The following IMMP2L variants were observed in gnomAD, a reference collection of about 807,000 sequenced individuals.
The protein encoded by IMMP2L is inner mitochondrial membrane peptidase subunit 2.
Under a neutral mutation model 19.3 loss-of-function variants are expected in IMMP2L, and 18 were observed. The observed-to-expected ratio is 0.93, with a 90% CI of 0.64 to 1.38. The LOEUF (loss-of-function observed/expected upper bound fraction) is 1.38, where lower values mean the gene tolerates loss of function less well. Among genes scored for constraint, IMMP2L ranks in the 40% most tolerant of loss-of-function variants. The pLI, the probability that IMMP2L is intolerant of heterozygous loss-of-function variation, is 0.00. For missense variants in IMMP2L, 233 were observed against 218.2 expected (o/e 1.07, Z -0.43); for synonymous variants, 76 against 73.0 (o/e 1.04, Z -0.21).
At chr7:111,429,658 T>C (rs1836435287) in intron 3 of IMMP2L, among the ~76,000 whole-genome samples, 2 of 151,938 alleles carry the variant, frequency 1.3e-5, no homozygotes, top group Non-Finnish European at 2.9e-5. Context: ...TCACATCTAA[T>C]TGAGCTCCAA....
intron 3 of IMMP2L, among the ~76,000 whole-genome samples, chr7:110,965,833 G>T (rs971418066): frequency 1.4e-4 from 22 of 151,936 alleles, no homozygotes; most frequent in Non-Finnish European, 2.9e-4. Flanking sequence ...AGGGATTAGG[G>T]ACATTGGTAC....
intron 3 of IMMP2L, among the ~76,000 whole-genome samples, chr7:111,319,568 C>A (rs1824462431): frequency 6.6e-6 from 1 of 151,968 alleles, no homozygotes; most frequent in South Asian, 2.1e-4. Flanking sequence ...AAAATTTTTA[C>A]AAATCAAAAT....
chr7:111,017,811 C>A (rs895154068), intron 3 of IMMP2L, among the ~76,000 whole-genome samples: 2 of 152,082 alleles, frequency 1.3e-5, no homozygotes, highest in Non-Finnish European at 2.9e-5. Flanking sequence ...GTGGTAGGAG[C>A]CATCAGAAGA....
intron 3 of IMMP2L, among the ~76,000 whole-genome samples, chr7:111,412,826 A>C (rs1052376959): frequency 2.6e-5 from 4 of 151,764 alleles, no homozygotes; most frequent in Admixed American, 2.6e-4. Context: ...GTTTAGAAGA[A>C]ATTTTTTTTT....
intron 3 of IMMP2L, among the ~76,000 whole-genome samples, chr7:111,330,191 T>G (rs1169913513): frequency 2.0e-5 from 3 of 150,550 alleles, no homozygotes; most frequent in African/African-American, 4.9e-5. Flanking sequence ...CAAAATCACA[T>G]CAGAAATGGA....
intron 2 of IMMP2L, among the ~76,000 whole-genome samples, chr7:111,504,112 C>A (rs1003142454): frequency 2.5e-4 from 38 of 152,272 alleles, no homozygotes; most frequent in African/African-American, 7.9e-4. Context: ...TGATAAGCAA[C>A]TTCAGCAAAG....
intron 5 of IMMP2L, among the ~76,000 whole-genome samples, chr7:110,886,140 G>A (rs1810196987): frequency 6.6e-6 from 1 of 152,012 alleles, no homozygotes; most frequent in African/African-American, 2.4e-5. Context: ...CCCTAAGAGG[G>A]TAGAGGTAAA....
intron 3 of IMMP2L, among the ~76,000 whole-genome samples, chr7:111,314,517 G>A (rs914337322): frequency 1.3e-5 from 2 of 152,050 alleles, no homozygotes; most frequent in African/African-American, 4.8e-5. Context: ...GAGGAATGGA[G>A]GATTGACTAG....
At chr7:111,147,059 A>T (rs1172557842) in intron 3 of IMMP2L, among the ~76,000 whole-genome samples, 1 of 152,064 alleles carries the variant, frequency 6.6e-6, no homozygotes, top group African/African-American at 2.4e-5. Flanking sequence ...TTTAAAAGCT[A>T]TTTCTTATTA....
intron 4 of IMMP2L, among the ~76,000 whole-genome samples, chr7:110,941,468 AGTAAC>A (rs1415788876): frequency 6.6e-6 from 1 of 152,160 alleles, no homozygotes; most frequent in East Asian, 1.9e-4. Flanking sequence ...TCAGTTATTA[AGTAAC>A]GGTTTGAAAT....
intron 3 of IMMP2L, among the ~76,000 whole-genome samples, chr7:111,267,895 C>A (rs1817998996): frequency 6.6e-6 from 1 of 152,072 alleles, no homozygotes; most frequent in African/African-American, 2.4e-5. Context: ...TCGGTTCATT[C>A]TCTGTATCAT....
chr7:111,434,358 T>C (rs1200366316), intron 3 of IMMP2L, among the ~76,000 whole-genome samples: 1 of 148,700 alleles, frequency 6.7e-6, no homozygotes, highest in Non-Finnish European at 1.5e-5. Context: ...AAAACAAAAA[T>C]AGACAAATGA....
At chr7:110,883,774 T>C (rs1243930502) in intron 5 of IMMP2L, among the ~76,000 whole-genome samples, 2 of 152,078 alleles carry the variant, frequency 1.3e-5, no homozygotes, top group African/African-American at 4.8e-5. Flanking sequence ...TTACTTTAGA[T>C]TTATTTTTAG....
At chr7:111,006,402 C>T (rs774304648) in intron 3 of IMMP2L, among the ~76,000 whole-genome samples, 10 of 152,200 alleles carry the variant, frequency 6.6e-5, no homozygotes, top group Admixed American at 3.3e-4. Flanking sequence ...TTTTCATAGA[C>T]GCATAGACTT....
At chr7:110,866,371 T>C (rs1222331545) in intron 5 of IMMP2L, among the ~76,000 whole-genome samples, 1 of 151,744 alleles carries the variant, frequency 6.6e-6, no homozygotes, top group East Asian at 2.0e-4. Context: ...TTTGAGAACA[T>C]TCAGATAAGA....
At chr7:111,160,507 A>G (rs1805137512) in intron 3 of IMMP2L, among the ~76,000 whole-genome samples, 1 of 151,770 alleles carries the variant, frequency 6.6e-6, no homozygotes, top group Non-Finnish European at 1.5e-5. Context: ...TGAGTAAATT[A>G]ATTAACATCT....
intron 1 of IMMP2L, among the ~76,000 whole-genome samples, chr7:111,525,901 G>T (rs1453107051): frequency 2.6e-5 from 4 of 151,960 alleles, no homozygotes; most frequent in Non-Finnish European, 5.9e-5. Context: ...GCATTAAAAG[G>T]GACGATGGCC....
intron 3 of IMMP2L, among the ~76,000 whole-genome samples, chr7:111,025,381 C>A (rs1460641228): frequency 6.6e-6 from 1 of 151,958 alleles, no homozygotes; most frequent in African/African-American, 2.4e-5. Context: ...GTCATTTTTA[C>A]CAATAAGAAT....
chr7:111,446,773 C>T (rs1838500039), intron 3 of IMMP2L, among the ~76,000 whole-genome samples: 1 of 152,284 alleles, frequency 6.6e-6, no homozygotes, highest in South Asian at 2.1e-4. Context: ...TACGGGAGGA[C>T]ATTCAAAGCA....
Sources: gnomAD v4.1 joint callset for allele counts (sites outside exome capture counted in the v4.1 genomes callset) on GRCh38, gnomAD v4.1.1 for gene constraint, MANE v1.5 for transcripts, NCBI Gene and HGNC (gene_info 2026-07-23, HGNC 2026-07-21) for gene names.